The following GAPVD1 variants were observed in gnomAD, a reference collection of about 807,000 sequenced individuals.
The protein encoded by GAPVD1 is GTPase activating protein and VPS9 domains 1.
GAPVD1 carries 35 observed loss-of-function variants against 155.5 expected under a neutral mutation model. The ratio of observed to expected loss-of-function variants is 0.23; its 90% CI spans 0.17 to 0.30. The LOEUF (loss-of-function observed/expected upper bound fraction) is 0.30, where lower values mean the gene tolerates loss of function less well. Ranked by LOEUF, GAPVD1 falls within the 10% of genes least tolerant of loss-of-function variation. GAPVD1 has a pLI of 1.00. For missense variants in GAPVD1, 1,429 were observed against 1,775.7 expected (o/e 0.80, Z 3.51); for synonymous variants, 636 against 619.7 (o/e 1.03, Z -0.39).
rs1046905605 is a variant in GAPVD1 at position 125,296,963 on chromosome 9, G to T, written c.-33+1389G>T. 3.9e-5 allele frequency among the ~76,000 whole-genome samples: 6 copies of T among 152,220 alleles called. No homozygotes were observed. The East Asian group carries it at 5.8e-4, about 15-fold the overall frequency. Reference sequence around the variant, plus strand: ...GTGTGAGCCACCGTGCCCAACCCAAGAAATTTTTTGCTAACTTGATGACTG... The same window carrying T: ...GTGTGAGCCACCGTGCCCAACCCAATAAATTTTTTGCTAACTTGATGACTG... On this transcript the variant is annotated intron_variant, in intron 3 of 27. Coordinates refer to ENST00000297933, the MANE Select transcript of GAPVD1 (RefSeq NM_001282680.3).
chr9:125,337,722 A>G (rs1282126750), intron 17 of GAPVD1, 131 bp downstream of exon 17: 12 of 945,716 alleles, frequency 1.3e-5, no homozygotes, highest in African/African-American at 1.6e-5. Flanking sequence ...TGATTTGTCA[A>G]TCTATGGGCC....
chr9:125,301,501 T>C (rs978895288), intron 4 of GAPVD1, among the ~76,000 whole-genome samples: 1 of 151,650 alleles, frequency 6.6e-6, no homozygotes, highest in African/African-American at 2.4e-5. Context: ...CAGGGTGGAG[T>C]GCGGTGGCAT....
rs1359453055 is a variant in GAPVD1 at position 125,307,523 on chromosome 9, A to T, written c.1227A>T (p.Ile409=). The stretch of plus-strand genomic sequence containing the variant: ...GATTGAGCAGAACTGTGGTTTATAT[A>T]ACCTACAGTCAGCTTATTACTCTGG... ...LEGLSRTVVY[I]TYSQLITLVN... The change falls in exon 7 of 28, where the codon ATA becomes ATT. Residue 409 remains isoleucine, a synonymous_variant. Coordinates refer to ENST00000297933, the MANE Select transcript of GAPVD1 (RefSeq NM_001282680.3). 1 of 1,612,488 alleles carries T rather than the reference A, an allele frequency of 6.2e-7. No individual in the cohort carries two copies.
chr9:125,263,383 A>G (rs1277385678), intron 1 of GAPVD1, among the ~76,000 whole-genome samples: 1 of 152,228 alleles, frequency 6.6e-6, no homozygotes, highest in Non-Finnish European at 1.5e-5. Context: ...CGGGAGGTGG[A>G]TATTGCAGTG....
chr9:125,295,251 G>A (rs1007489819), intron 2 of GAPVD1, among the ~76,000 whole-genome samples: 34 of 152,028 alleles, frequency 2.2e-4, no homozygotes, highest in African/African-American at 7.7e-4. Context: ...ATTTCCTAAT[G>A]TCTGTACTTT....
intron 2 of GAPVD1, among the ~76,000 whole-genome samples, chr9:125,284,913 C>A (rs956370671): frequency 6.6e-6 from 1 of 152,176 alleles, no homozygotes; most frequent in Admixed American, 6.5e-5. Context: ...CCATTATAAT[C>A]TCATGGGCCC....
intron 17 of GAPVD1, among the ~76,000 whole-genome samples, chr9:125,340,296 C>A (rs1428051344): frequency 6.6e-6 from 1 of 152,222 alleles, no homozygotes; most frequent in African/African-American, 2.4e-5. Flanking sequence ...GCTGGGATTA[C>A]AGGCGTGAGC....
At chr9:125,286,065 G>A (rs895759321) in intron 2 of GAPVD1, among the ~76,000 whole-genome samples, 7 of 151,464 alleles carry the variant, frequency 4.6e-5, no homozygotes, top group Non-Finnish European at 8.8e-5. Context: ...GCTTTGGCCT[G>A]CCAAAGTGCC....
chr9:125,299,930 A>C (rs542887988), intron 4 of GAPVD1, among the ~76,000 whole-genome samples: 12 of 141,224 alleles, frequency 8.5e-5, no homozygotes, highest in African/African-American at 3.2e-4. Flanking sequence ...GAGGCAGGAG[A>C]ATGGCTTGAA....
At chr9:125,316,334 CT>C (rs1843422053) in intron 9 of GAPVD1, among the ~76,000 whole-genome samples, 2 of 152,142 alleles carry the variant, frequency 1.3e-5, no homozygotes, top group South Asian at 4.1e-4. Context: ...CCCTAACCCC[CT>C]ACCCCTGCGA....
At chr9:125,274,556 C>T (rs865978978) in intron 2 of GAPVD1, among the ~76,000 whole-genome samples, 13 of 150,762 alleles carry the variant, frequency 8.6e-5, no homozygotes, top group South Asian at 8.4e-4. Context: ...CTCTGCCTCC[C>T]GGGTTCAAGC....
chr9:125,276,380 A>G (rs553258767), intron 2 of GAPVD1, among the ~76,000 whole-genome samples: 1 of 152,318 alleles, frequency 6.6e-6, no homozygotes, highest in South Asian at 2.1e-4. Context: ...TTTAATATTT[A>G]CTGCCTAATT....
intron 17 of GAPVD1, among the ~76,000 whole-genome samples, chr9:125,340,178 G>A (rs1037745819): frequency 5.1e-4 from 78 of 152,174 alleles, no homozygotes; most frequent in Middle Eastern, 3.4e-3. Flanking sequence ...GCACCACCAC[G>A]CCCGGCCAAT....
At chr9:125,313,313 T>C (rs1200200951) in intron 9 of GAPVD1, among the ~76,000 whole-genome samples, 1 of 150,120 alleles carries the variant, frequency 6.7e-6, no homozygotes, top group Non-Finnish European at 1.5e-5. Context: ...TTTTCTTTTT[T>C]TTTTTTTTGA....
chr9:125,349,477 C>T lies in GAPVD1; in HGVS notation c.3257C>T (p.Ala1086Val). Residue 1086 changes from alanine (A) to valine (V), a missense_variant, in exon 21 of 28, where the codon GCA (alanine) becomes GTA (valine). Ala to Val is a moderately conservative substitution (Grantham distance 64, BLOSUM62 0). This residue lies in a region of GAPVD1 where 699 missense variants were observed against 826.0 expected (regional missense o/e 0.85). Transcript: ENST00000297933. The part of the protein sequence containing the change: ...NISADDLPDS[A>V]SQAAHPQDSA... ...TCGGCTGATGATCTCCCAGACTCTG[C>T]AAGCCAAGCAGCCCACCCGCAGGAT... is the stretch of plus-strand genomic sequence containing the variant. 4 of 1,613,942 alleles carry T rather than the reference C, an allele frequency of 2.5e-6. No homozygotes were observed. Among genetic ancestry groups the T allele is most frequent in the Non-Finnish European group, 3.4e-6 (4 of 1,179,862 alleles).
chr9:125,293,841 A>AAAATATTTTTATATATATAT, intron 2 of GAPVD1, among the ~76,000 whole-genome samples: 2 of 82,570 alleles, frequency 2.4e-5, no homozygotes, highest in Admixed American at 1.8e-4. Context: ...ATATATATAT[A>AAAATATTTTTATATATATAT]AAAATATATT....
chr9:125,307,670 A>T, intron 7 of GAPVD1, 21 bp from the exon 8 acceptor site: 1 of 1,601,926 alleles, frequency 6.2e-7, no homozygotes, highest in Non-Finnish European at 8.6e-7. Context: ...TTCATTAGCT[A>T]ATGTTCTTTG....
At chr9:125,282,942 A>G (rs982988100) in intron 2 of GAPVD1, among the ~76,000 whole-genome samples, 7 of 152,076 alleles carry the variant, frequency 4.6e-5, no homozygotes, top group Non-Finnish European at 1.0e-4. Flanking sequence ...CTTTCTAACA[A>G]CATTATTTCT....
intron 2 of GAPVD1, among the ~76,000 whole-genome samples, chr9:125,286,702 T>TA (rs1837760167): frequency 6.6e-6 from 1 of 152,120 alleles, no homozygotes; most frequent in Non-Finnish European, 1.5e-5. Context: ...TACATAGGCC[T>TA]AAGAGATGCC....
Sources: gnomAD v4.1 joint callset for allele counts (sites outside exome capture counted in the v4.1 genomes callset) on GRCh38, gnomAD v4.1.1 for gene constraint, gnomAD v4.1.1 regional missense constraint, MANE v1.5 for transcripts, NCBI Gene and HGNC (gene_info 2026-07-23, HGNC 2026-07-21) for gene names.